UBE2R2: variants seen among roughly 807,000 people sequenced by gnomAD.
UBE2R2 encodes the protein ubiquitin-conjugating enzyme E2 R2.
Under a neutral mutation model 27.8 loss-of-function variants are expected in UBE2R2, and 1 was observed. The ratio of observed to expected loss-of-function variants is 0.04; its 90% CI spans 0.01 to 0.17. The LOEUF is 0.17. UBE2R2 is among the 10% of genes least tolerant of loss of function. The pLI is 1.00. For missense variants in UBE2R2, 100 were observed against 291.0 expected (o/e 0.34, Z 4.78); for synonymous variants, 106 against 113.3 (o/e 0.94, Z 0.41).
At chr9:33,899,619 C>T (rs1403526622) in intron 2 of UBE2R2, among the ~76,000 whole-genome samples, 2 of 152,132 alleles carry the variant, frequency 1.3e-5, no homozygotes, top group East Asian at 1.9e-4. Context: ...GTGATCTGCC[C>T]ACCTTGGTCT....
chr9:33,820,236 TGTG>T (rs762008802), intron 1 of UBE2R2, among the ~76,000 whole-genome samples: 1 of 152,242 alleles, frequency 6.6e-6, no homozygotes, highest in Non-Finnish European at 1.5e-5. Flanking sequence ...AAGGATTCCT[TGTG>T]TTAATACACT....
chr9:33,889,970 G>A (rs1416459600), intron 2 of UBE2R2, among the ~76,000 whole-genome samples: 3 of 152,066 alleles, frequency 2.0e-5, no homozygotes, highest in African/African-American at 4.8e-5. Flanking sequence ...GTGAGCCACC[G>A]CACCCAGCAG....
At position 33,919,642 on chromosome 9, in the gene UBE2R2, AGACT is replaced by A. The variant is rs556992509; in HGVS notation, c.*2412_*2415del. The A allele has an allele frequency of 4.6e-5, 7 of 152,200 alleles. No individual in the cohort carries two copies. Among genetic ancestry groups the A allele is most frequent in the Non-Finnish European group, 1.0e-4 (7 of 68,040 alleles). The allele number at this position is 152,200 out of a possible 1,614,324, so 9.4% of individuals were successfully genotyped here. On this transcript the variant is annotated 3_prime_UTR_variant, in exon 5 of 5. Coordinates refer to ENST00000263228, the MANE Select transcript of UBE2R2 (RefSeq NM_017811.4). Reference sequence around the variant, plus strand: ...TAGCAGGTGGACATTCTGGTATTTTAGACTGACTGAACGAAACCCAGAGGCTGGT... The same window carrying A: ...TAGCAGGTGGACATTCTGGTATTTTAGACTGAACGAAACCCAGAGGCTGGT...
At chr9:33,838,692 C>T (rs12378744) in intron 1 of UBE2R2, among the ~76,000 whole-genome samples, 20,737 of 152,030 alleles carry the variant, frequency 0.14, 1,673 homozygotes, top group South Asian at 0.33. Context: ...ATGCAAGAAC[C>T]GTACATTTAG....
At chr9:33,822,291 A>C (rs770017150) in intron 1 of UBE2R2, among the ~76,000 whole-genome samples, 1 of 151,642 alleles carries the variant, frequency 6.6e-6, no homozygotes, top group Non-Finnish European at 1.5e-5. Context: ...AGGTTTCTCC[A>C]TGTTGGTTAG....
In UBE2R2 at chr9:33,919,519, G is replaced by C. The variant is rs546030078; in HGVS notation, c.*2282G>C. ...CAGGGAGCCGGAGCGCCAAGTGGAGGTTGTACCTTTCAGCCCTTTGGGGTG... is the reference window on the plus strand; with the variant it reads ...CAGGGAGCCGGAGCGCCAAGTGGAGCTTGTACCTTTCAGCCCTTTGGGGTG... On this transcript the variant is annotated 3_prime_UTR_variant, in exon 5 of 5. Transcript: ENST00000263228. The C allele has an allele frequency of 6.6e-6, 1 of 152,370 alleles. No individual in the cohort carries two copies. The highest frequency in any genetic ancestry group is 2.1e-4 in the South Asian group (1 of 4,826). The allele number at this position is 152,370 out of a possible 1,614,324, so 9.4% of individuals were successfully genotyped here. A position where few individuals can be genotyped will look rare whatever the true frequency, so the allele number is the denominator to read the frequency against.
At chr9:33,821,152 C>T (rs911448547) in intron 1 of UBE2R2, among the ~76,000 whole-genome samples, 6 of 152,146 alleles carry the variant, frequency 3.9e-5, no homozygotes, top group Non-Finnish European at 7.3e-5. Flanking sequence ...AGTTCACCCC[C>T]TTTCTTTTGA....
chr9:33,912,450 C>A (rs1822514818), intron 4 of UBE2R2, among the ~76,000 whole-genome samples: 1 of 151,774 alleles, frequency 6.6e-6, no homozygotes, highest in South Asian at 2.1e-4. Context: ...ATGGTGAAAC[C>A]CTGTCTCTAC....
At position 33,917,691 on chromosome 9, in the gene UBE2R2, AAAAC is replaced by A. The variant is rs921364912; in HGVS notation, c.*459_*462del. ...CAAAAGAAAATGGAAAAAAACCCAC[AAAAC>A]AAACTTTAAAAAAAAAAAAAAACAA... On this transcript the variant is annotated 3_prime_UTR_variant, in exon 5 of 5. Coordinates refer to ENST00000263228, the MANE Select transcript of UBE2R2 (RefSeq NM_017811.4). 42 of 227,926 alleles carry A rather than the reference AAAAC, an allele frequency of 1.8e-4. No individual in the cohort carries two copies. Among genetic ancestry groups the A allele is most frequent in the African/African-American group, 9.1e-4 (40 of 44,058 alleles). The allele number at this position is 227,926 out of a possible 1,614,324, so 14.1% of individuals were successfully genotyped here. A position where few individuals can be genotyped will look rare whatever the true frequency, so the allele number is the denominator to read the frequency against.
chr9:33,820,419 C>G (rs1251919007), intron 1 of UBE2R2, among the ~76,000 whole-genome samples: 1 of 152,076 alleles, frequency 6.6e-6, no homozygotes, highest in Admixed American at 6.6e-5. Context: ...GAAGTTTGTT[C>G]GATTGTATTT....
chr9:33,903,945 T>C (rs1411277600), intron 3 of UBE2R2, among the ~76,000 whole-genome samples: 1 of 152,228 alleles, frequency 6.6e-6, no homozygotes. Flanking sequence ...CTTAGACTTT[T>C]TATCACTTAG....
At chr9:33,878,690 C>CAGAG (rs930812252) in intron 1 of UBE2R2, among the ~76,000 whole-genome samples, 2 of 152,080 alleles carry the variant, frequency 1.3e-5, no homozygotes, top group African/African-American at 4.8e-5. Context: ...AGCAGCCTGC[C>CAGAG]AGAGAGAAGC....
chr9:33,828,007 A>G lies in UBE2R2; in HGVS notation c.177+10073A>G, dbSNP rs142302818. Among the ~76,000 whole-genome samples, 362 of 150,874 alleles carry G rather than the reference A, an allele frequency of 2.4e-3. 2 individuals carry two copies. The highest frequency in any genetic ancestry group is 3.6e-3 in the Non-Finnish European group (242 of 67,802). On this transcript the variant is annotated intron_variant, in intron 1 of 4. Coordinates refer to ENST00000263228, the MANE Select transcript of UBE2R2 (RefSeq NM_017811.4). ...AAATACAAATAAAATAAATTAATAA[A>G]ATTAAAAATTAAATTAGGCTGGGCA...
At chr9:33,849,330 T>C (rs965214072) in intron 1 of UBE2R2, among the ~76,000 whole-genome samples, 7 of 152,154 alleles carry the variant, frequency 4.6e-5, no homozygotes, top group African/African-American at 1.7e-4. Context: ...AGTAGGGAAA[T>C]ATCCTTATCT....
intron 1 of UBE2R2, among the ~76,000 whole-genome samples, chr9:33,884,310 G>C (rs1421864003): frequency 7.7e-6 from 1 of 129,770 alleles, no homozygotes; most frequent in Non-Finnish European, 1.6e-5. Context: ...TTTGAGACAG[G>C]CTCTTCCTCT....
intron 1 of UBE2R2, among the ~76,000 whole-genome samples, chr9:33,830,537 T>C (rs370531345): frequency 6.1e-5 from 9 of 148,012 alleles, no homozygotes; most frequent in East Asian, 2.2e-4. Flanking sequence ...GAGGTCGAGG[T>C]GGGCAGATCA....
intron 1 of UBE2R2, chr9:33,868,762 G>A (rs1048438315): frequency 6.6e-6 from 1 of 152,132 alleles, no homozygotes; most frequent in Admixed American, 6.6e-5. Flanking sequence ...GTGATCTGAT[G>A]ACGTAGCAGA....
rs772466935 is a variant in UBE2R2 at position 33,917,177 on chromosome 9, TGAG to T, written c.666_668del (p.Glu223del). The T allele has an allele frequency of 5.7e-5, 92 of 1,614,108 alleles. No individual in the cohort carries two copies. Among genetic ancestry groups the T allele is most frequent in the East Asian group, 1.6e-4 (7 of 44,882 alleles). ...ATGATGACGACATTGATGATGAAGA[TGAG>T]GAGGAGGAAGATGCCGACTGTTATG... On this transcript the variant is annotated inframe_deletion, in exon 5 of 5. Coordinates refer to ENST00000263228, the MANE Select transcript of UBE2R2 (RefSeq NM_017811.4).
intron 1 of UBE2R2, among the ~76,000 whole-genome samples, chr9:33,823,104 C>A (rs1246579770): frequency 6.7e-6 from 1 of 149,884 alleles, no homozygotes; most frequent in Non-Finnish European, 1.5e-5. Context: ...TGGGGTTTTG[C>A]CATGTTGGCC....
Sources: allele counts gnomAD v4.1 joint callset (sites outside exome capture counted in the v4.1 genomes callset), GRCh38; gene constraint gnomAD v4.1.1; transcripts MANE v1.5; gene names NCBI Gene and HGNC (gene_info 2026-07-23, HGNC 2026-07-21).